CTNNA3: variants seen among roughly 807,000 people sequenced by gnomAD.
CTNNA3 encodes the protein catenin alpha 3.
In CTNNA3, 76 loss-of-function variants were observed where a neutral mutation model predicts 95.7. The ratio of observed to expected loss-of-function variants is 0.79; its 90% CI spans 0.66 to 0.96. The LOEUF (loss-of-function observed/expected upper bound fraction) is 0.96. CTNNA3 is among the 40% of genes least tolerant of loss of function. The probability of loss-of-function intolerance (pLI) is 0.00; values close to 1 mark genes in which losing one functional copy is unlikely to be tolerated. For synonymous variants in CTNNA3, 431 were observed against 374.4 expected (o/e 1.15, Z -1.74); for missense variants, 1,191 against 1,089.8 (o/e 1.09, Z -1.31).
At chr10:67,552,631 A>G (rs1183816882) in intron 3 of CTNNA3, among the ~76,000 whole-genome samples, 1 of 151,960 alleles carries the variant, frequency 6.6e-6, no homozygotes, top group Non-Finnish European at 1.5e-5. Context: ...TATTAAGCCC[A>G]GCACCCATTA....
At chr10:67,386,749 A>G (rs900130969) in intron 5 of CTNNA3, among the ~76,000 whole-genome samples, 2 of 152,216 alleles carry the variant, frequency 1.3e-5, no homozygotes, top group Non-Finnish European at 2.9e-5. Flanking sequence ...TGACTGAAAT[A>G]CTGAGAATGA....
intron 15 of CTNNA3, among the ~76,000 whole-genome samples, chr10:66,062,079 A>C (rs2080212141): frequency 6.6e-6 from 1 of 152,052 alleles, no homozygotes; most frequent in Non-Finnish European, 1.5e-5. Context: ...AATTTATCTG[A>C]CCTCTATTTC....
At chr10:67,571,049 G>A (rs1841957506) in intron 3 of CTNNA3, among the ~76,000 whole-genome samples, 1 of 152,112 alleles carries the variant, frequency 6.6e-6, no homozygotes, top group South Asian at 2.1e-4. Flanking sequence ...CTATGTTTTA[G>A]GAAGATTTAT....
rs144801429 is a variant in CTNNA3, at chr10:66,214,741, G to A, written c.1884+65729C>T. Among the ~76,000 whole-genome samples, 15 of 152,146 alleles carry A rather than the reference G, an allele frequency of 9.9e-5. No individual in the cohort carries two copies. In the South Asian group the frequency reaches 1.9e-3, roughly 19 times the overall value. ...CGTAAAGGGACATACTAACTTTGCC[G>A]TTTTAGTCTATTAGCTAGAGGAACT... On this transcript the variant is annotated intron_variant, in intron 13 of 17. Transcript: ENST00000433211.
At chr10:66,738,730 C>G (rs1250477551) in intron 9 of CTNNA3, among the ~76,000 whole-genome samples, 1 of 152,086 alleles carries the variant, frequency 6.6e-6, no homozygotes, top group Non-Finnish European at 1.5e-5. Flanking sequence ...TATTCCTTTT[C>G]TGATCTTGTC....
chr10:67,616,088 A>G (rs928503432), intron 2 of CTNNA3, among the ~76,000 whole-genome samples: 1 of 152,204 alleles, frequency 6.6e-6, no homozygotes, highest in African/African-American at 2.4e-5. Context: ...AGAAGGATCC[A>G]AGGAAACAGA....
At chr10:66,650,243 A>G (rs919720151) in intron 9 of CTNNA3, among the ~76,000 whole-genome samples, 2 of 152,202 alleles carry the variant, frequency 1.3e-5, no homozygotes, top group African/African-American at 4.8e-5. Context: ...GGGAGATTAC[A>G]GAACCCGGGT....
chr10:66,568,492 C>T (rs190974994), intron 10 of CTNNA3, among the ~76,000 whole-genome samples: 242 of 152,034 alleles, frequency 1.6e-3, no homozygotes, highest in African/African-American at 5.7e-3. Flanking sequence ...TTTCACTCCC[C>T]CTTCTGGAAA....
At chr10:67,732,931 C>T (rs113707974) in intron 1 of CTNNA3, among the ~76,000 whole-genome samples, 27 of 151,580 alleles carry the variant, frequency 1.8e-4, no homozygotes, top group South Asian at 8.3e-4. Context: ...CTCAAGACTC[C>T]GTTAAAAGTG....
intron 7 of CTNNA3, among the ~76,000 whole-genome samples, chr10:66,811,661 C>G (rs538902448): frequency 6.6e-6 from 1 of 152,212 alleles, no homozygotes; most frequent in Non-Finnish European, 1.5e-5. Context: ...AAAGCCCTCA[C>G]TCATTTACAA....
At chr10:67,049,450 C>A (rs1854951779) in intron 7 of CTNNA3, among the ~76,000 whole-genome samples, 2 of 152,116 alleles carry the variant, frequency 1.3e-5, no homozygotes. Context: ...ATTCTATAAT[C>A]TAAATATATC....
At chr10:66,212,143 C>G (rs370699875) in intron 13 of CTNNA3, among the ~76,000 whole-genome samples, 1 of 151,904 alleles carries the variant, frequency 6.6e-6, no homozygotes, top group African/African-American at 2.4e-5. Flanking sequence ...GCACCCGCCA[C>G]CACGCCTGGC....
rs1025579801 is a variant in CTNNA3, at chr10:66,928,434, G to A, written c.1048-152910C>T. ...CGGGACCCTGCACCTATAACAAATC[G>A]GGCTCCAGGGAGTGTGAGGTATGAA... On this transcript the variant is annotated intron_variant, in intron 7 of 17. Coordinates refer to ENST00000433211, the MANE Select transcript of CTNNA3 (RefSeq NM_013266.4). 3.7e-6 allele frequency: 6 copies of A among 1,608,358 alleles called. No individual in the cohort carries two copies. The African/African-American group carries it at 4.0e-5, about 11-fold the overall frequency.
chr10:66,551,082 T>C (rs975076744), intron 10 of CTNNA3, among the ~76,000 whole-genome samples: 1 of 152,176 alleles, frequency 6.6e-6, no homozygotes, highest in African/African-American at 2.4e-5. Flanking sequence ...TTTCCAATTG[T>C]TCTCAAGACA....
chr10:66,192,349 A>G (rs938458845), intron 13 of CTNNA3, among the ~76,000 whole-genome samples: 3 of 152,216 alleles, frequency 2.0e-5, no homozygotes, highest in African/African-American at 7.2e-5. Flanking sequence ...TGTTTTGTGC[A>G]AATATGTGCA....
intron 5 of CTNNA3, among the ~76,000 whole-genome samples, chr10:67,342,191 T>A (rs1842231259): frequency 1.5e-5 from 2 of 135,072 alleles, no homozygotes; most frequent in Admixed American, 1.7e-4. Flanking sequence ...AAGCTCCGCC[T>A]CCCGGGTTCA....
chr10:67,280,789 A>G (rs1020086795), intron 5 of CTNNA3, among the ~76,000 whole-genome samples: 10 of 152,008 alleles, frequency 6.6e-5, no homozygotes, highest in African/African-American at 1.9e-4. Flanking sequence ...ATCCCTCAAA[A>G]TTGCCTATAT....
At position 66,139,667 on chromosome 10, in the gene CTNNA3, C is replaced by T. The variant is rs539488999; in HGVS notation, c.1885-36418G>A. Among the ~76,000 whole-genome samples the T allele has an allele frequency of 3.3e-5, 5 of 152,240 alleles. No individual in the cohort carries two copies. The South Asian group carries it at 6.2e-4, about 19-fold the overall frequency. On this transcript the variant is annotated intron_variant, in intron 13 of 17. Transcript: ENST00000433211. ...TATTCAAATTATGACATTTCTCACA[C>T]TACAATAGACCATCATAATTGTCCC...
At chr10:66,387,315 A>G (rs1422875701) in intron 11 of CTNNA3, among the ~76,000 whole-genome samples, 2 of 152,250 alleles carry the variant, frequency 1.3e-5, no homozygotes, top group Non-Finnish European at 2.9e-5. Context: ...AAAAGAAGAC[A>G]TCTATGCAGT....
Sources: gnomAD v4.1 joint callset for allele counts (sites outside exome capture counted in the v4.1 genomes callset) on GRCh38, gnomAD v4.1.1 for gene constraint, MANE v1.5 for transcripts, NCBI Gene and HGNC (gene_info 2026-07-23, HGNC 2026-07-21) for gene names.